Variants in RBMS3 observed in about 807,000 individuals in gnomAD.
RBMS3 encodes the protein RNA-binding motif, single-stranded-interacting protein 3.
Under a neutral mutation model 66.8 loss-of-function variants are expected in RBMS3, and 27 were observed. The ratio of observed to expected loss-of-function variants is 0.40; its 90% CI spans 0.30 to 0.56. The LOEUF (loss-of-function observed/expected upper bound fraction) is 0.56. Among genes scored for constraint, RBMS3 ranks in the 20% least tolerant of loss-of-function variants. The pLI is 0.40. For missense variants in RBMS3, 513 were observed against 549.5 expected, an observed-to-expected ratio of 0.93 and a Z score of 0.66; for synonymous variants, 188 against 183.0, an observed-to-expected ratio of 1.03 and a Z score of -0.22.
intron 4 of RBMS3, among the ~76,000 whole-genome samples, chr3:29,607,124 T>C (rs1294828075): frequency 6.6e-6 from 1 of 152,016 alleles, no homozygotes; most frequent in Non-Finnish European, 1.5e-5. Context: ...ATTGGGTACA[T>C]TTTAAATATT....
At chr3:29,719,457 C>T (rs2053544557) in intron 4 of RBMS3, among the ~76,000 whole-genome samples, 1 of 151,954 alleles carries the variant, frequency 6.6e-6, no homozygotes, top group African/African-American at 2.4e-5. Flanking sequence ...TACTCAGTTC[C>T]ACGACTGTGT....
intron 1 of RBMS3, among the ~76,000 whole-genome samples, chr3:29,332,385 C>G (rs1239190855): frequency 1.3e-5 from 2 of 151,908 alleles, no homozygotes; most frequent in African/African-American, 2.4e-5. Flanking sequence ...TTTTTCAGTT[C>G]TCTCTCTCTT....
rs1699860350 is a variant in RBMS3 at position 30,008,366 on chromosome 3, A to G, written c.*4504A>G. On this transcript the variant is annotated 3_prime_UTR_variant, in exon 15 of 15. Transcript: ENST00000383767. ...ATTCTCAAGTGGGTTTCACTAATAA[A>G]TGTTTTTTTATATGATTTGAAATCA... The G allele has an allele frequency of 6.6e-6, 1 of 152,094 alleles. No individual in the cohort carries two copies. The highest frequency in any genetic ancestry group is 2.1e-4 in the South Asian group (1 of 4,834). The allele number at this position is 152,094 out of a possible 1,614,324, so 9.4% of individuals were successfully genotyped here.
At chr3:29,296,040 G>T (rs970347500) in intron 1 of RBMS3, among the ~76,000 whole-genome samples, 1 of 151,754 alleles carries the variant, frequency 6.6e-6, no homozygotes, top group African/African-American at 2.4e-5. Context: ...CTTCCTGATG[G>T]AAGTACAAGC....
chr3:29,380,449 A>G (rs972295004), intron 1 of RBMS3, among the ~76,000 whole-genome samples: 2 of 152,198 alleles, frequency 1.3e-5, no homozygotes, highest in African/African-American at 2.4e-5. Flanking sequence ...CATAATTGTA[A>G]AAAATCTAAA....
At chr3:29,807,866 T>C (rs1436519914) in intron 6 of RBMS3, among the ~76,000 whole-genome samples, 2 of 151,832 alleles carry the variant, frequency 1.3e-5, no homozygotes, top group African/African-American at 4.8e-5. Flanking sequence ...TTCTAAATTC[T>C]AATTGTTTTC....
intron 6 of RBMS3, among the ~76,000 whole-genome samples, chr3:29,832,606 GTAGT>G (rs945691125): frequency 2.6e-5 from 4 of 152,316 alleles, no homozygotes; most frequent in African/African-American, 9.6e-5. Context: ...AAACAAGCAA[GTAGT>G]TAGTAAGTGT....
chr3:29,652,351 A>G (rs1443039886), intron 4 of RBMS3, among the ~76,000 whole-genome samples: 1 of 152,168 alleles, frequency 6.6e-6, no homozygotes, highest in Non-Finnish European at 1.5e-5. Context: ...AAAAACTCAT[A>G]TAAATAACAA....
At chr3:29,890,837 G>A (rs1036141956) in intron 8 of RBMS3, among the ~76,000 whole-genome samples, 4 of 151,450 alleles carry the variant, frequency 2.6e-5, no homozygotes, top group Non-Finnish European at 3.0e-5. Context: ...AGGGTGAGAC[G>A]GAAACTTATC....
intron 3 of RBMS3, among the ~76,000 whole-genome samples, chr3:29,541,292 C>CCTCT (rs35961672): frequency 0.63 from 94,933 of 151,568 alleles, 30,732 homozygotes; most frequent in African/African-American, 0.8. Flanking sequence ...GACCAATAGG[C>CCTCT]CTAACAAGCC....
intron 6 of RBMS3, among the ~76,000 whole-genome samples, chr3:29,826,768 G>T (rs1024563539): frequency 6.6e-6 from 1 of 152,016 alleles, no homozygotes; most frequent in Admixed American, 6.6e-5. Flanking sequence ...GCCCATTTTG[G>T]TGGCTTACTT....
chr3:29,673,900 T>G (rs2051118487), intron 4 of RBMS3, among the ~76,000 whole-genome samples: 1 of 152,218 alleles, frequency 6.6e-6, no homozygotes, highest in African/African-American at 2.4e-5. Flanking sequence ...CTAACTCATT[T>G]TATGAGGCCT....
At chr3:29,573,080 C>T (rs2046998083) in intron 3 of RBMS3, among the ~76,000 whole-genome samples, 1 of 151,940 alleles carries the variant, frequency 6.6e-6, no homozygotes, top group Non-Finnish European at 1.5e-5. Context: ...ATTAATGATC[C>T]TTTAAATTTC....
At chr3:29,325,980 G>C (rs2035313145) in intron 1 of RBMS3, among the ~76,000 whole-genome samples, 1 of 152,018 alleles carries the variant, frequency 6.6e-6, no homozygotes, top group Non-Finnish European at 1.5e-5. Flanking sequence ...ATGAAGTGTG[G>C]CAATCCTGAA....
At chr3:29,743,301 T>A (rs2054723244) in intron 5 of RBMS3, among the ~76,000 whole-genome samples, 1 of 152,244 alleles carries the variant, frequency 6.6e-6, no homozygotes, top group Non-Finnish European at 1.5e-5. Flanking sequence ...GCTTTTCTCA[T>A]CTGAAATTTT....
At chr3:29,420,970 G>A (rs56201880) in intron 1 of RBMS3, among the ~76,000 whole-genome samples, 4 of 145,206 alleles carry the variant, frequency 2.8e-5, no homozygotes, top group African/African-American at 5.0e-5. Context: ...AAAATTAACT[G>A]GGCGTGGTGG....
chr3:29,432,266 G>T (rs2041236947), intron 1 of RBMS3, among the ~76,000 whole-genome samples: 1 of 152,164 alleles, frequency 6.6e-6, no homozygotes, highest in Non-Finnish European at 1.5e-5. Flanking sequence ...AAGTTTTCTA[G>T]CATGGAGACT....
chr3:29,683,783 T>C (rs1442068210), intron 4 of RBMS3, among the ~76,000 whole-genome samples: 1 of 152,210 alleles, frequency 6.6e-6, no homozygotes, highest in Admixed American at 6.5e-5. Flanking sequence ...TAAAAGCATG[T>C]TATCTTTAAG....
At chr3:29,772,799 T>G (rs1437972819) in intron 6 of RBMS3, among the ~76,000 whole-genome samples, 1 of 152,006 alleles carries the variant, frequency 6.6e-6, no homozygotes, top group Non-Finnish European at 1.5e-5. Flanking sequence ...GAGTTGCTTG[T>G]GTGTTAAATA....
Sources: gnomAD v4.1 joint callset for allele counts (sites outside exome capture counted in the v4.1 genomes callset) on GRCh38, gnomAD v4.1.1 for gene constraint, MANE v1.5 for transcripts, NCBI Gene and HGNC (gene_info 2026-07-23, HGNC 2026-07-21) for gene names.